ATP9A: variants seen among roughly 807,000 people sequenced by gnomAD.
ATP9A encodes the protein probable phospholipid-transporting ATPase IIA.
Under a neutral mutation model 144.1 loss-of-function variants are expected in ATP9A, and 52 were observed. The ratio of observed to expected loss-of-function variants is 0.36; its 90% CI spans 0.29 to 0.45. The LOEUF (loss-of-function observed/expected upper bound fraction) is 0.45, where lower values mean the gene tolerates loss of function less well. Among genes scored for constraint, ATP9A ranks in the 20% least tolerant of loss-of-function variants. ATP9A has a pLI of 1.00. For missense variants in ATP9A, 947 were observed against 1,392.7 expected (o/e 0.68, Z 5.09); for synonymous variants, 582 against 557.4 (o/e 1.04, Z -0.62).
intron 13 of ATP9A, among the ~76,000 whole-genome samples, chr20:51,662,869 G>A (rs750484845): frequency 3.1e-4 from 47 of 151,880 alleles, no homozygotes; most frequent in Non-Finnish European, 5.0e-4. Flanking sequence ...TCAGGAGTTC[G>A]AGATCAGCCT....
At chr20:51,682,936 C>G (rs2077506603) in intron 9 of ATP9A, among the ~76,000 whole-genome samples, 1 of 147,750 alleles carries the variant, frequency 6.8e-6, no homozygotes, top group African/African-American at 2.5e-5. Context: ...ACTAAAAATA[C>G]AAAAAATTAG....
Position 51,601,276 on chromosome 20 carries a change from G to A in ATP9A, c.3079C>T (p.Leu1027Phe). Residue 1027 changes from leucine (L) to phenylalanine (F), a missense_variant, in exon 28 of 28, where the codon CTC becomes TTC. Around this residue, in one of 2 missense-constraint regions of ATP9A, gnomAD observed 177 missense variants for 344.9 expected, o/e 0.51. Coordinates refer to ENST00000338821, the MANE Select transcript of ATP9A (RefSeq NM_006045.3). ...CTTCGCAGGTACTTGAGGACATAGA[G>A]GGGGAGGCAGCTGACCAGAGTGATG... ...SVITLVSCLPLYVLKYLRRRF... is the reference protein window; with the variant it reads ...SVITLVSCLPFYVLKYLRRRF... 9.9e-6 allele frequency: 16 copies of A among 1,613,938 alleles called. No individual in the cohort carries two copies. The highest frequency in any genetic ancestry group is 1.4e-5 in the Non-Finnish European group (16 of 1,179,864).
At chr20:51,654,687 T>A (rs2077380148) in intron 14 of ATP9A, among the ~76,000 whole-genome samples, 1 of 152,000 alleles carries the variant, frequency 6.6e-6, no homozygotes, top group Non-Finnish European at 1.5e-5. Context: ...ATTGCACCTA[T>A]CAAGAGCCGC....
chr20:51,710,023 C>T (rs1243421315), intron 4 of ATP9A, among the ~76,000 whole-genome samples: 1 of 151,996 alleles, frequency 6.6e-6, no homozygotes, highest in Non-Finnish European at 1.5e-5. Flanking sequence ...CATGTGAGGC[C>T]GGGCACAGTG....
At chr20:51,763,776 A>T (rs73137674) in intron 1 of ATP9A, among the ~76,000 whole-genome samples, 10,881 of 152,286 alleles carry the variant, frequency 0.071, 530 homozygotes, top group Non-Finnish European at 0.11. Flanking sequence ...GCATCAAAGC[A>T]TCCTCATCCA....
At chr20:51,760,869 A>G (rs1172464853) in intron 1 of ATP9A, among the ~76,000 whole-genome samples, 1 of 152,068 alleles carries the variant, frequency 6.6e-6, no homozygotes, top group Admixed American at 6.6e-5. Flanking sequence ...CTAAAAATAC[A>G]AAAATTAGCT....
At chr20:51,698,669 A>G (rs1001598267) in intron 4 of ATP9A, among the ~76,000 whole-genome samples, 6 of 152,122 alleles carry the variant, frequency 3.9e-5, no homozygotes, top group African/African-American at 1.4e-4. Context: ...CTGTCAACAA[A>G]CTCTGTGGGA....
chr20:51,665,137 A>G (rs1035277926), intron 13 of ATP9A, among the ~76,000 whole-genome samples: 2 of 152,120 alleles, frequency 1.3e-5, no homozygotes, highest in African/African-American at 4.8e-5. Context: ...GCTAAACGGA[A>G]GACCGGCCAG....
At chr20:51,668,090 G>C (rs1412737631) in intron 13 of ATP9A, among the ~76,000 whole-genome samples, 1 of 28,432 alleles carries the variant, frequency 3.5e-5, no homozygotes, top group East Asian at 2.4e-3. Flanking sequence ...GGGAGGTGGG[G>C]GGGGGGGGGG....
intron 1 of ATP9A, among the ~76,000 whole-genome samples, chr20:51,754,196 C>T (rs1177159207): frequency 1.3e-5 from 2 of 152,042 alleles, no homozygotes; most frequent in Non-Finnish European, 2.9e-5. Context: ...AAAACTCAAT[C>T]TCAGATACAG....
chr20:51,694,526 G>A (rs148338072), intron 6 of ATP9A, among the ~76,000 whole-genome samples: 127 of 152,302 alleles, frequency 8.3e-4, no homozygotes, highest in African/African-American at 2.9e-3. Flanking sequence ...GCTCTGCCAC[G>A]TAATAGCTTT....
intron 9 of ATP9A, among the ~76,000 whole-genome samples, chr20:51,684,945 A>C (rs553661757): frequency 2.1e-4 from 31 of 150,794 alleles, no homozygotes; most frequent in Non-Finnish European, 4.1e-4. Context: ...CAGGAGGCGG[A>C]GCTTGCAGTG....
At chr20:51,734,154 A>AT (rs373735614) in intron 1 of ATP9A, among the ~76,000 whole-genome samples, 36,590 of 149,402 alleles carry the variant, frequency 0.24, 4,685 homozygotes, top group Non-Finnish European at 0.26. Context: ...AATTTTTGTA[A>AT]TTTTTTTTTT....
intron 4 of ATP9A, among the ~76,000 whole-genome samples, chr20:51,707,793 T>A (rs192522918): frequency 5.3e-5 from 8 of 152,294 alleles, no homozygotes; most frequent in Admixed American, 5.2e-4. Context: ...GCTCTCACGT[T>A]CATCTCTGTG....
intron 14 of ATP9A, among the ~76,000 whole-genome samples, chr20:51,654,018 T>C (rs2077377531): frequency 6.6e-6 from 1 of 151,684 alleles, no homozygotes; most frequent in Non-Finnish European, 1.5e-5. Context: ...AAAGAAGAAA[T>C]GATGATAAAC....
chr20:51,619,017 G>A lies in ATP9A; in HGVS notation c.2142C>T (p.Leu714=), dbSNP rs376170083. ...RLVTNRGEAH[L]ELNAFRRKHD... ...GCTTCCTGCGGAAGGCGTTCAGCTC[G>A]AGGTGAGCCTCCCCGCGGTTGGTCA... is the stretch of plus-strand genomic sequence containing the variant. The change falls in exon 20 of 28, where the codon CTC becomes CTT. Residue 714 remains leucine (L), a synonymous_variant. Coordinates refer to ENST00000338821, the MANE Select transcript of ATP9A (RefSeq NM_006045.3). 6.6e-5 allele frequency: 106 copies of A among 1,614,058 alleles called. No homozygotes were observed. Among genetic ancestry groups the A allele is most frequent in the Non-Finnish European group, 7.8e-5 (92 of 1,180,034 alleles).
intron 13 of ATP9A, among the ~76,000 whole-genome samples, chr20:51,668,211 T>C (rs984526530): frequency 1.5e-5 from 2 of 137,802 alleles, no homozygotes; most frequent in Non-Finnish European, 3.1e-5. Context: ...GGTGATCTAG[T>C]GATCGGGTGG....
chr20:51,669,891 C>T, intron 13 of ATP9A, 106 bp downstream of exon 13: 1 of 781,122 alleles, frequency 1.3e-6, no homozygotes, highest in South Asian at 1.6e-5. Flanking sequence ...ATGAATTGTA[C>T]TCTTGAAATG....
At chr20:51,766,576 T>C (rs1426362723) in intron 1 of ATP9A, among the ~76,000 whole-genome samples, 5 of 152,150 alleles carry the variant, frequency 3.3e-5, no homozygotes, top group African/African-American at 9.7e-5. Flanking sequence ...GCGCGGTGAC[T>C]CACGCCTGTA....
Sources: gnomAD v4.1 joint callset for allele counts (sites outside exome capture counted in the v4.1 genomes callset) on GRCh38, gnomAD v4.1.1 for gene constraint, gnomAD v4.1.1 regional missense constraint, MANE v1.5 for transcripts, NCBI Gene and HGNC (gene_info 2026-07-23, HGNC 2026-07-21) for gene names.